PXDNL: variants seen among roughly 807,000 people sequenced by gnomAD.
PXDNL encodes probable oxidoreductase PXDNL.
PXDNL carries 145 observed loss-of-function variants against 150.8 expected under a neutral mutation model. The ratio of observed to expected loss-of-function variants is 0.96; its 90% CI spans 0.84 to 1.10. The LOEUF (loss-of-function observed/expected upper bound fraction) is 1.10, where lower values mean the gene tolerates loss of function less well. Ranked by LOEUF, PXDNL falls within the 50% of genes least tolerant of loss-of-function variation. The pLI is 0.00. For missense variants in PXDNL, 2,087 were observed against 1,873.9 expected, an observed-to-expected ratio of 1.11 and a Z score of -2.10; for synonymous variants, 757 against 725.7, an observed-to-expected ratio of 1.04 and a Z score of -0.69.
intron 2 of PXDNL, among the ~76,000 whole-genome samples, chr8:51,602,748 C>CA (rs1813750526): frequency 6.6e-6 from 1 of 151,584 alleles, no homozygotes; most frequent in African/African-American, 2.4e-5. Flanking sequence ...CCTTTGTAAG[C>CA]AAAAAATTAA....
intron 1 of PXDNL, among the ~76,000 whole-genome samples, chr8:51,782,847 G>T (rs568478617): frequency 6.6e-6 from 1 of 152,280 alleles, no homozygotes; most frequent in South Asian, 2.1e-4. Context: ...CACTTTAGTG[G>T]CTTATGAATG....
At chr8:51,403,350 A>C (rs924996944) in intron 17 of PXDNL, among the ~76,000 whole-genome samples, 2 of 152,192 alleles carry the variant, frequency 1.3e-5, no homozygotes, top group African/African-American at 4.8e-5. Context: ...ATCTGACAGC[A>C]GTGAACTCTG....
chr8:51,784,190 G>A (rs1472944060), intron 1 of PXDNL, among the ~76,000 whole-genome samples: 1 of 152,136 alleles, frequency 6.6e-6, no homozygotes, highest in African/African-American at 2.4e-5. Context: ...GGACATATTT[G>A]ATAAATAATT....
chr8:51,435,221 G>A (rs58154384), intron 12 of PXDNL, among the ~76,000 whole-genome samples: 5,757 of 152,010 alleles, frequency 0.038, 343 homozygotes, highest in African/African-American at 0.13. Flanking sequence ...CTCAGGAGGC[G>A]GAGGCAGGAG....
chr8:51,428,045 A>C (rs905813982), intron 12 of PXDNL, among the ~76,000 whole-genome samples: 1 of 152,226 alleles, frequency 6.6e-6, no homozygotes, highest in Non-Finnish European at 1.5e-5. Flanking sequence ...AAATGTATTA[A>C]TATATAGATA....
At chr8:51,755,680 C>T (rs2037093568) in intron 1 of PXDNL, among the ~76,000 whole-genome samples, 1 of 152,122 alleles carries the variant, frequency 6.6e-6, no homozygotes, top group Non-Finnish European at 1.5e-5. Context: ...AAATGTTCAT[C>T]TATATATTTC....
At chr8:51,435,716 G>A (rs551880092) in intron 12 of PXDNL, 2 of 325,588 alleles carry the variant, frequency 6.1e-6, no homozygotes, top group East Asian at 9.6e-5. Flanking sequence ...CGCAGAGGAG[G>A]TGGAAGAAGA....
At chr8:51,361,773 C>A (rs1480324902) in intron 19 of PXDNL, among the ~76,000 whole-genome samples, 1 of 151,676 alleles carries the variant, frequency 6.6e-6, no homozygotes, top group Non-Finnish European at 1.5e-5. Context: ...ACCAGCCTGG[C>A]TAACATGGTG....
chr8:51,444,955 G>A (rs1401836405), intron 12 of PXDNL, among the ~76,000 whole-genome samples: 1 of 151,270 alleles, frequency 6.6e-6, no homozygotes, highest in African/African-American at 2.4e-5. Flanking sequence ...TGCCCAGGCT[G>A]GAGTGCGGTG....
At chr8:51,722,052 G>A in intron 1 of PXDNL, 1 of 191,968 alleles carries the variant, frequency 5.2e-6, no homozygotes, top group Admixed American at 5.0e-5. Flanking sequence ...CTAATCTGCT[G>A]CTGCTGTTCT....
intron 2 of PXDNL, among the ~76,000 whole-genome samples, chr8:51,626,586 G>A (rs1400146211): frequency 2.0e-5 from 3 of 152,086 alleles, no homozygotes; most frequent in Non-Finnish European, 4.4e-5. Flanking sequence ...CAAGCTTGCT[G>A]CACTCGGTTT....
rs373562196 is a variant in PXDNL, at chr8:51,533,436, C to G, written c.380+23404G>C. 7.3e-5 allele frequency among the ~76,000 whole-genome samples: 11 copies of G among 151,652 alleles called. No individual in the cohort carries two copies. The East Asian group carries it at 9.9e-4, about 14-fold the overall frequency. On this transcript the variant is annotated intron_variant, in intron 4 of 22. Transcript: ENST00000356297. Reference sequence around the variant, plus strand: ...AAAATGTTGGGATTACAGTCATGAGCCACTGTGCCCAGCCTCATACACTGT... The same window carrying G: ...AAAATGTTGGGATTACAGTCATGAGGCACTGTGCCCAGCCTCATACACTGT...
intron 3 of PXDNL, among the ~76,000 whole-genome samples, chr8:51,591,038 G>T (rs146562045): frequency 6.6e-6 from 1 of 152,296 alleles, no homozygotes; most frequent in East Asian, 1.9e-4. Flanking sequence ...AAGTGATTAG[G>T]TCATCAGGGC....
intron 4 of PXDNL, among the ~76,000 whole-genome samples, chr8:51,506,639 T>C (rs1288330969): frequency 1.3e-5 from 2 of 151,930 alleles, no homozygotes; most frequent in African/African-American, 4.8e-5. Context: ...GAAAAATCTT[T>C]CTCACTCTTT....
chr8:51,595,335 A>T (rs1297692590), intron 2 of PXDNL, among the ~76,000 whole-genome samples: 1 of 152,166 alleles, frequency 6.6e-6, no homozygotes, highest in African/African-American at 2.4e-5. Context: ...GAAAAGATTA[A>T]GGCTATTTGC....
intron 12 of PXDNL, among the ~76,000 whole-genome samples, chr8:51,432,677 G>A (rs1809279694): frequency 1.3e-5 from 2 of 152,102 alleles, no homozygotes; most frequent in Admixed American, 6.5e-5. Flanking sequence ...CATGTAGAAC[G>A]AAAAACAGTT....
chr8:51,508,104 T>G (rs1469947544), intron 4 of PXDNL, among the ~76,000 whole-genome samples: 8 of 152,110 alleles, frequency 5.3e-5, no homozygotes, highest in African/African-American at 1.7e-4. Flanking sequence ...CCAATGGTAC[T>G]CGATGGCACC....
At chr8:51,623,422 G>C (rs140439098) in intron 2 of PXDNL, among the ~76,000 whole-genome samples, 1 of 152,202 alleles carries the variant, frequency 6.6e-6, no homozygotes, top group South Asian at 2.1e-4. Flanking sequence ...GGTAAGTGTC[G>C]CTAAGTCTTC....
intron 1 of PXDNL, among the ~76,000 whole-genome samples, chr8:51,771,368 C>A (rs894948111): frequency 6.6e-6 from 1 of 152,190 alleles, no homozygotes; most frequent in Non-Finnish European, 1.5e-5. Context: ...ACTATCTACA[C>A]CAGAAGCTTA....
Sources: gnomAD v4.1 joint callset for allele counts (sites outside exome capture counted in the v4.1 genomes callset) on GRCh38, gnomAD v4.1.1 for gene constraint, MANE v1.5 for transcripts, NCBI Gene and HGNC (gene_info 2026-07-23, HGNC 2026-07-21) for gene names.